Variants in LDLRAD4 observed in about 807,000 individuals in gnomAD.
The protein encoded by LDLRAD4 is low-density lipoprotein receptor class A domain-containing protein 4.
In LDLRAD4, 5 loss-of-function variants were observed where a neutral mutation model predicts 17.0. That is an observed-to-expected ratio of 0.29 (90% confidence interval 0.15 to 0.62). LDLRAD4 has a LOEUF of 0.62. LDLRAD4 is among the 20% of genes least tolerant of loss of function. The pLI is 0.84. For synonymous variants in LDLRAD4, 168 were observed against 171.8 expected, an observed-to-expected ratio of 0.98 and a Z score of 0.17; for missense variants, 340 against 424.7, an observed-to-expected ratio of 0.80 and a Z score of 1.75.
chr18:13,303,495 T>C (rs573415226), intron 1 of LDLRAD4, among the ~76,000 whole-genome samples: 1 of 152,190 alleles, frequency 6.6e-6, no homozygotes, highest in Admixed American at 6.5e-5. Context: ...CCTTTTCTCC[T>C]TCCTTCTTTC....
chr18:13,560,236 C>T (rs2094526479), intron 3 of LDLRAD4, among the ~76,000 whole-genome samples: 1 of 152,178 alleles, frequency 6.6e-6, no homozygotes, highest in Non-Finnish European at 1.5e-5. Flanking sequence ...GAGCCAACCC[C>T]ATCCTCAAAA....
intron 1 of LDLRAD4, among the ~76,000 whole-genome samples, chr18:13,268,531 G>A (rs1312145683): frequency 6.6e-6 from 1 of 152,214 alleles, no homozygotes; most frequent in Non-Finnish European, 1.5e-5. Context: ...TTGGAATGCA[G>A]CCTTGTTAAG....
chr18:13,274,661 G>A (rs1001812278), upstream of LDLRAD4, among the ~76,000 whole-genome samples: 9 of 151,934 alleles, frequency 5.9e-5, no homozygotes, highest in Non-Finnish European at 1.3e-4. Context: ...ACAGGTTTCT[G>A]TAATGAATAA....
At chr18:13,395,760 G>A (rs1450276157) in intron 2 of LDLRAD4, among the ~76,000 whole-genome samples, 2 of 146,938 alleles carry the variant, frequency 1.4e-5, no homozygotes, top group African/African-American at 5.1e-5. Flanking sequence ...GGGAGCTGGC[G>A]TGGGGGTGGG....
upstream of LDLRAD4, chr18:13,218,160 G>T (rs1427329707): frequency 6.6e-6 from 1 of 152,328 alleles, no homozygotes; most frequent in African/African-American, 2.4e-5. Context: ...GCTGCGCTCC[G>T]GAGGGAGGGG....
At chr18:13,359,298 C>T (rs2083521563) in intron 1 of LDLRAD4, among the ~76,000 whole-genome samples, 1 of 152,120 alleles carries the variant, frequency 6.6e-6, no homozygotes, top group Admixed American at 6.5e-5. Flanking sequence ...AAGAGACCTT[C>T]AAGTAAATGG....
At chr18:13,589,938 G>A (rs1323447930) in intron 3 of LDLRAD4, among the ~76,000 whole-genome samples, 1 of 152,142 alleles carries the variant, frequency 6.6e-6, no homozygotes, top group African/African-American at 2.4e-5. Flanking sequence ...AGTGGGGAAA[G>A]ACAAGGCAGG....
chr18:13,517,682 A>G (rs1411468750), intron 3 of LDLRAD4, among the ~76,000 whole-genome samples: 1 of 152,042 alleles, frequency 6.6e-6, no homozygotes, highest in Non-Finnish European at 1.5e-5. Context: ...CGCTCTAGCT[A>G]CCTCTAGGTC....
chr18:13,446,203 G>A (rs1397595395), intron 3 of LDLRAD4, among the ~76,000 whole-genome samples: 1 of 152,142 alleles, frequency 6.6e-6, no homozygotes, highest in Non-Finnish European at 1.5e-5. Context: ...AGAATGCAGC[G>A]CTCAGGGCGG....
At chr18:13,277,203 C>T (rs1015810238), upstream of LDLRAD4, among the ~76,000 whole-genome samples, 10 of 152,096 alleles carry the variant, frequency 6.6e-5, no homozygotes, top group Admixed American at 5.2e-4. Flanking sequence ...GGCAGGAGCA[C>T]GCTTTGGGGT....
intron 1 of LDLRAD4, among the ~76,000 whole-genome samples, chr18:13,359,318 T>G (rs1266763055): frequency 6.6e-6 from 1 of 152,156 alleles, no homozygotes; most frequent in African/African-American, 2.4e-5. Flanking sequence ...GAGTAGCCTT[T>G]CTGTGGAGGA....
chr18:13,450,408 A>T (rs2091755600), intron 3 of LDLRAD4, among the ~76,000 whole-genome samples: 1 of 147,770 alleles, frequency 6.8e-6, no homozygotes, highest in South Asian at 2.2e-4. Context: ...TTGTTGAAAG[A>T]TTATGTCTGG....
intron 1 of LDLRAD4, among the ~76,000 whole-genome samples, chr18:13,359,376 T>G (rs1319728185): frequency 6.6e-6 from 1 of 152,098 alleles, no homozygotes; most frequent in African/African-American, 2.4e-5. Flanking sequence ...CTGGGGCCTG[T>G]GGGTGCAAGG....
intron 3 of LDLRAD4, among the ~76,000 whole-genome samples, chr18:13,580,111 C>CT (rs199625726): frequency 6.6e-6 from 1 of 152,232 alleles, no homozygotes; most frequent in African/African-American, 2.4e-5. Flanking sequence ...CTCAGGATGA[C>CT]TTTCAGGGCT....
chr18:13,222,374 T>G (rs938708330), intron 1 of LDLRAD4, among the ~76,000 whole-genome samples: 4 of 151,874 alleles, frequency 2.6e-5, no homozygotes, highest in Admixed American at 2.0e-4. Context: ...TGACAACTAT[T>G]TTTTTTTAAG....
At chr18:13,324,954 A>G (rs563271151) in intron 1 of LDLRAD4, among the ~76,000 whole-genome samples, 3 of 152,204 alleles carry the variant, frequency 2.0e-5, no homozygotes, top group African/African-American at 7.2e-5. Context: ...TCAATTACGC[A>G]TGCGTCTCTT....
At chr18:13,286,239 T>C (rs1241739760) in intron 1 of LDLRAD4, among the ~76,000 whole-genome samples, 1 of 152,268 alleles carries the variant, frequency 6.6e-6, no homozygotes, top group East Asian at 1.9e-4. Flanking sequence ...TCTTCAGGGT[T>C]CACACACATT....
At chr18:13,515,085 A>G (rs1004157545) in intron 3 of LDLRAD4, 2 of 152,238 alleles carry the variant, frequency 1.3e-5, no homozygotes, top group African/African-American at 4.8e-5. Context: ...TAACTGAATT[A>G]CATAACTGTT....
chr18:13,236,899 A>G (rs1183034600), intron 1 of LDLRAD4, among the ~76,000 whole-genome samples: 2 of 152,070 alleles, frequency 1.3e-5, no homozygotes, highest in African/African-American at 2.4e-5. Flanking sequence ...CTTGCTTGGA[A>G]CCAGCGTGGT....
Sources: gnomAD v4.1 joint callset for allele counts (sites outside exome capture counted in the v4.1 genomes callset) on GRCh38, gnomAD v4.1.1 for gene constraint, MANE v1.5 for transcripts, NCBI Gene and HGNC (gene_info 2026-07-23, HGNC 2026-07-21) for gene names.